Variants in TOX observed in about 807,000 individuals in gnomAD.
TOX encodes the protein thymocyte selection associated high mobility group box.
Under a neutral mutation model 53.7 loss-of-function variants are expected in TOX, and 11 were observed. The ratio of observed to expected loss-of-function variants is 0.20; its 90% CI spans 0.13 to 0.34. The LOEUF (loss-of-function observed/expected upper bound fraction) is 0.34, where lower values mean the gene tolerates loss of function less well. TOX is among the 10% of genes least tolerant of loss of function. The probability of loss-of-function intolerance (pLI) is 1.00; values close to 1 mark genes in which losing one functional copy is unlikely to be tolerated. For missense variants in TOX, 570 were observed against 664.6 expected (o/e 0.86, Z 1.56); for synonymous variants, 225 against 245.3 (o/e 0.92, Z 0.77).
intron 3 of TOX, among the ~76,000 whole-genome samples, chr8:58,893,882 T>A (rs1811599176): frequency 6.6e-6 from 1 of 152,232 alleles, no homozygotes; most frequent in African/African-American, 2.4e-5. Flanking sequence ...GTATGTTTGC[T>A]TCTTAGTGAG....
chr8:59,041,734 GTC>G (rs1311149486), intron 1 of TOX, among the ~76,000 whole-genome samples: 1 of 152,172 alleles, frequency 6.6e-6, no homozygotes, highest in African/African-American at 2.4e-5. Flanking sequence ...GAAGTTAAAG[GTC>G]TTGAATTCTT....
chr8:58,824,986 A>G (rs1256787851), intron 6 of TOX, among the ~76,000 whole-genome samples: 1 of 152,216 alleles, frequency 6.6e-6, no homozygotes, highest in Non-Finnish European at 1.5e-5. Flanking sequence ...ATAGGGAAAT[A>G]ATTTATAACA....
intron 1 of TOX, among the ~76,000 whole-genome samples, chr8:59,047,895 C>T (rs969211944): frequency 6.6e-6 from 1 of 152,026 alleles, no homozygotes; most frequent in Non-Finnish European, 1.5e-5. Context: ...AAAATTATTG[C>T]AATATAAGTT....
At chr8:59,047,029 A>C (rs886262747) in intron 1 of TOX, among the ~76,000 whole-genome samples, 1 of 152,116 alleles carries the variant, frequency 6.6e-6, no homozygotes, top group Non-Finnish European at 1.5e-5. Context: ...AATGCTCTGC[A>C]CTATGGCATA....
At chr8:59,030,773 C>T (rs917649663) in intron 1 of TOX, among the ~76,000 whole-genome samples, 1 of 152,164 alleles carries the variant, frequency 6.6e-6, no homozygotes, top group African/African-American at 2.4e-5. Flanking sequence ...ACACTATGGC[C>T]ACAAGGATTT....
chr8:58,887,887 A>G (rs10109566), intron 3 of TOX, among the ~76,000 whole-genome samples: 85,517 of 151,892 alleles, frequency 0.56, 24,940 homozygotes, highest in African/African-American at 0.71. Context: ...GGTGTTGTTT[A>G]ACAATGGGAA....
chr8:58,899,407 A>G (rs1186345200), intron 3 of TOX, among the ~76,000 whole-genome samples: 1 of 152,226 alleles, frequency 6.6e-6, no homozygotes, highest in Non-Finnish European at 1.5e-5. Context: ...TCTTTTGATA[A>G]GTGCTTTGAG....
chr8:59,046,200 C>T (rs1803679079), intron 1 of TOX, among the ~76,000 whole-genome samples: 1 of 152,104 alleles, frequency 6.6e-6, no homozygotes, highest in African/African-American at 2.4e-5. Context: ...AACATAAATT[C>T]CATATTTATG....
intron 1 of TOX, among the ~76,000 whole-genome samples, chr8:59,022,169 T>G (rs1814148350): frequency 6.6e-6 from 1 of 152,208 alleles, no homozygotes. Flanking sequence ...AGACTGAATA[T>G]TTTAACTATG....
intron 3 of TOX, among the ~76,000 whole-genome samples, chr8:58,936,186 A>T (rs1014173783): frequency 2.0e-5 from 3 of 152,180 alleles, no homozygotes; most frequent in Admixed American, 2.0e-4. Flanking sequence ...GGTTTTGGTC[A>T]AATCTCTCAT....
At chr8:58,929,516 C>T (rs1328021223) in intron 3 of TOX, among the ~76,000 whole-genome samples, 1 of 151,700 alleles carries the variant, frequency 6.6e-6, no homozygotes, top group Non-Finnish European at 1.5e-5. Flanking sequence ...AATCTAAAAC[C>T]AAAACCTGCT....
intron 1 of TOX, among the ~76,000 whole-genome samples, chr8:58,964,867 G>GTA (rs1035149199): frequency 6.3e-5 from 9 of 142,150 alleles, no homozygotes; most frequent in Non-Finnish European, 1.0e-4. Flanking sequence ...TGTAGCTGGT[G>GTA]TGTGTGTGTG....
At chr8:59,116,056 A>G (rs1805094022) in intron 1 of TOX, among the ~76,000 whole-genome samples, 1 of 152,180 alleles carries the variant, frequency 6.6e-6, no homozygotes, top group African/African-American at 2.4e-5. Context: ...CATTTTCTCC[A>G]TTAGAGTCTC....
chr8:58,959,014 G>A (rs934219257), intron 2 of TOX, among the ~76,000 whole-genome samples: 2 of 152,168 alleles, frequency 1.3e-5, no homozygotes, highest in African/African-American at 4.8e-5. Context: ...AAATCTATAT[G>A]TGTGGATATG....
intron 3 of TOX, among the ~76,000 whole-genome samples, chr8:58,937,950 T>G (rs1057444196): frequency 6.6e-6 from 1 of 152,114 alleles, no homozygotes; most frequent in Non-Finnish European, 1.5e-5. Context: ...GCTTTACACA[T>G]TTAGCACGTT....
At chr8:58,808,044 A>T in intron 8 of TOX, 74 bp downstream of exon 8, 1 of 1,532,808 alleles carries the variant, frequency 6.5e-7, no homozygotes, top group East Asian at 2.3e-5. Context: ...TGGAAACAAG[A>T]GAACGATCAA....
chr8:59,078,581 T>C (rs1804335452), intron 1 of TOX, among the ~76,000 whole-genome samples: 2 of 152,244 alleles, frequency 1.3e-5, no homozygotes, highest in African/African-American at 4.8e-5. Flanking sequence ...GCCAGCACCA[T>C]GCTTCCTATA....
chr8:59,015,974 T>G (rs577749385), intron 1 of TOX, among the ~76,000 whole-genome samples: 2 of 152,286 alleles, frequency 1.3e-5, no homozygotes, highest in South Asian at 4.2e-4. Context: ...CAGCTTTCAG[T>G]TTTATGCTCT....
intron 1 of TOX, among the ~76,000 whole-genome samples, chr8:58,999,704 G>A (rs893076387): frequency 2.6e-5 from 4 of 152,198 alleles, no homozygotes; most frequent in Non-Finnish European, 5.9e-5. Flanking sequence ...ACCACTGGAC[G>A]GAGTGGCACG....
Sources: allele counts gnomAD v4.1 joint callset (sites outside exome capture counted in the v4.1 genomes callset), GRCh38; gene constraint gnomAD v4.1.1; transcripts MANE v1.5; gene names NCBI Gene and HGNC (gene_info 2026-07-23, HGNC 2026-07-21).